ADAM20: variants seen among roughly 807,000 people sequenced by gnomAD.
ADAM20 encodes disintegrin and metalloproteinase domain-containing protein 20.
For missense variants in ADAM20, 871 were observed against 883.2 expected (o/e 0.99, Z 0.18); for synonymous variants, 305 against 310.2 (o/e 0.98, Z 0.18).
the ADAM20 span, among the ~76,000 whole-genome samples, chr14:70,577,779 G>A: frequency 6.6e-6 from 1 of 152,084 alleles, no homozygotes; most frequent in Non-Finnish European, 1.5e-5. Flanking sequence ...CTATTCAATG[G>A]AAAAAATAGT....
chr14:70,559,278 GA>G, the ADAM20 span, among the ~76,000 whole-genome samples: 1,952 of 133,098 alleles, frequency 0.015, 33 homozygotes, highest in South Asian at 0.026. Context: ...AAGTTGCCTA[GA>G]AAAAAAAAAA....
the ADAM20 span, among the ~76,000 whole-genome samples, chr14:70,553,397 A>T: frequency 6.7e-6 from 1 of 149,312 alleles, no homozygotes; most frequent in African/African-American, 2.5e-5. Flanking sequence ...AGTTCCAAAA[A>T]GTAGAGAAAG....
At chr14:70,553,608 T>C in the ADAM20 span, among the ~76,000 whole-genome samples, 1 of 150,600 alleles carries the variant, frequency 6.6e-6, no homozygotes, top group Middle Eastern at 3.5e-3. Context: ...AAGCAGGATT[T>C]ATCACTGGGA....
At chr14:70,554,067 G>A in the ADAM20 span, among the ~76,000 whole-genome samples, 1 of 152,148 alleles carries the variant, frequency 6.6e-6, no homozygotes, top group Non-Finnish European at 1.5e-5. Flanking sequence ...TATTAGAACT[G>A]ATAAATTTAG....
chr14:70,572,633 A>G, the ADAM20 span, among the ~76,000 whole-genome samples: 3 of 152,218 alleles, frequency 2.0e-5, no homozygotes, highest in African/African-American at 7.2e-5. Flanking sequence ...TAGCATAGCA[A>G]AAGAAACAGT....
At chr14:70,559,182 T>C in the ADAM20 span, among the ~76,000 whole-genome samples, 2 of 152,144 alleles carry the variant, frequency 1.3e-5, no homozygotes, top group African/African-American at 4.8e-5. Context: ...AAGTGAATTC[T>C]TTAGCTCCCT....
chr14:70,538,220 C>A (rs1883875871), upstream of ADAM20, among the ~76,000 whole-genome samples: 1 of 152,166 alleles, frequency 6.6e-6, no homozygotes, highest in African/African-American at 2.4e-5. Context: ...AAAACCATCT[C>A]TGCTATTCTC....
the ADAM20 span, among the ~76,000 whole-genome samples, chr14:70,567,370 C>A: frequency 2.6e-5 from 4 of 152,182 alleles, no homozygotes; most frequent in Non-Finnish European, 5.9e-5. Flanking sequence ...CCAGCATGGG[C>A]TACCAACAAG....
At chr14:70,563,895 G>T in the ADAM20 span, among the ~76,000 whole-genome samples, 1 of 152,150 alleles carries the variant, frequency 6.6e-6, no homozygotes, top group Non-Finnish European at 1.5e-5. Flanking sequence ...CTAATTTCAG[G>T]TATTTCTTTA....
chr14:70,567,844 AG>A, the ADAM20 span, among the ~76,000 whole-genome samples: 9 of 152,214 alleles, frequency 5.9e-5, no homozygotes, highest in South Asian at 1.9e-3. Flanking sequence ...GCTTTGCAAC[AG>A]GGGCAAGATA....
At chr14:70,525,540 A>G (rs10137299) in intron 1 of ADAM20, among the ~76,000 whole-genome samples, 8,724 of 152,148 alleles carry the variant, frequency 0.057, 525 homozygotes, top group African/African-American at 0.15. Context: ...CATTTTAAAG[A>G]CACTGGATTC....
At chr14:70,541,965 G>A in the ADAM20 span, among the ~76,000 whole-genome samples, 2 of 151,926 alleles carry the variant, frequency 1.3e-5, no homozygotes, top group Non-Finnish European at 2.9e-5. Context: ...TAACTGCTGT[G>A]AAGCTCTAAC....
the ADAM20 span, among the ~76,000 whole-genome samples, chr14:70,563,059 C>T: frequency 6.6e-6 from 1 of 152,124 alleles, no homozygotes; most frequent in Non-Finnish European, 1.5e-5. Flanking sequence ...GATTCATATT[C>T]CTTAGCAATC....
At chr14:70,545,092 G>A in the ADAM20 span, among the ~76,000 whole-genome samples, 1 of 152,112 alleles carries the variant, frequency 6.6e-6, no homozygotes, top group Non-Finnish European at 1.5e-5. Context: ...AAAATACAAT[G>A]AAAAGATTTT....
chr14:70,542,332 T>G, the ADAM20 span, among the ~76,000 whole-genome samples: 1 of 152,232 alleles, frequency 6.6e-6, no homozygotes, highest in African/African-American at 2.4e-5. Context: ...AACTGGTTAT[T>G]TTTACCAAGG....
chr14:70,535,966 C>T (rs902953477), upstream of ADAM20, among the ~76,000 whole-genome samples: 5 of 152,034 alleles, frequency 3.3e-5, no homozygotes, highest in Admixed American at 6.6e-5. Context: ...TGGTATAAAA[C>T]GCTTCATTCA....
At chr14:70,561,364 G>A in the ADAM20 span, among the ~76,000 whole-genome samples, 2 of 152,360 alleles carry the variant, frequency 1.3e-5, no homozygotes, top group African/African-American at 2.4e-5. Flanking sequence ...GAAAGAGATG[G>A]TGTGAAATTG....
intron 1 of ADAM20, among the ~76,000 whole-genome samples, chr14:70,528,598 G>C (rs1037721670): frequency 2.0e-5 from 3 of 152,164 alleles, no homozygotes; most frequent in Non-Finnish European, 4.4e-5. Context: ...TCATTCCAGA[G>C]CTTAGTGGAG....
chr14:70,562,139 C>T, the ADAM20 span, among the ~76,000 whole-genome samples: 1 of 152,240 alleles, frequency 6.6e-6, no homozygotes, highest in Non-Finnish European at 1.5e-5. Flanking sequence ...AGCCATGGGG[C>T]AGAGCTGCCC....
Sources: allele counts gnomAD v4.1 joint callset (sites outside exome capture counted in the v4.1 genomes callset), GRCh38; gene constraint gnomAD v4.1.1; transcripts MANE v1.5; gene names NCBI Gene and HGNC (gene_info 2026-07-23, HGNC 2026-07-21).